Variants in SNX17 observed in about 807,000 individuals in gnomAD.
SNX17 encodes sorting nexin-17.
SNX17 carries 35 observed loss-of-function variants against 64.3 expected under a neutral mutation model. The ratio of observed to expected loss-of-function variants is 0.54; its 90% CI spans 0.42 to 0.72. The LOEUF (loss-of-function observed/expected upper bound fraction) is 0.72. Among genes scored for constraint, SNX17 ranks in the 30% least tolerant of loss-of-function variants. SNX17 has a pLI of 0.00. For missense variants in SNX17, 538 were observed against 610.0 expected (o/e 0.88, Z 1.24); for synonymous variants, 259 against 230.2 (o/e 1.13, Z -1.13).
intron 3 of SNX17, 84 bp from the exon 4 acceptor site, chr2:27,373,163 G>T: frequency 6.2e-7 from 1 of 1,609,158 alleles, no homozygotes; most frequent in South Asian, 1.1e-5. Context: ...CAGGAAATGG[G>T]GTCGGGGGAA....
chr2:27,374,080 C>A lies in SNX17; in HGVS notation c.433-5C>A. ...GATGAGCTGTACTTCTATCCCTATC[C>A]CCAGGCTGTAGCTGCAAAGCTGGAT... On this transcript the variant is annotated splice_region_variant and splice_polypyrimidine_tract_variant and intron_variant, in intron 5 of 14. Coordinates refer to ENST00000233575, the MANE Select transcript of SNX17 (RefSeq NM_014748.4). 1 of 1,613,874 alleles carries A rather than the reference C, an allele frequency of 6.2e-7. No individual in the cohort carries two copies. The highest frequency in any genetic ancestry group is 1.7e-5 in the Admixed American group (1 of 60,016).
Position 27,370,806 on chromosome 2 carries a change from G to A in SNX17, c.63G>A (p.Val21=). 6.5e-7 allele frequency: 1 copy of A among 1,542,850 alleles called. No homozygotes were observed. ...RSGDSGGSAY[V]AYNIHVNGVL... is the part of the protein sequence containing the mutation. ...GGGACAGCGGCGGCTCCGCCTACGT[G>A]GTGAGGAGCGGCCGGAGCCGAGCCG... is the stretch of plus-strand genomic sequence containing the variant. The change falls in exon 1 of 15, where the codon GTG becomes GTA. Residue 21 remains valine, a splice_region_variant and synonymous_variant. Transcript: ENST00000233575.
chr2:27,377,201 T>G lies in SNX17; in HGVS notation c.*482T>G. 1 of 480,946 alleles carries G rather than the reference T, an allele frequency of 2.1e-6. No homozygotes were observed. The highest frequency in any genetic ancestry group is 4.0e-5 in the East Asian group (1 of 24,700). 29.8% of individuals were successfully genotyped at this position (480,946 alleles called of 1,614,324 possible). ...CTACTATGCTAAGGGTAAGGCCAAA[T>G]TGCCTGCCATTGCCAATTCAGCATA... On this transcript the variant is annotated 3_prime_UTR_variant, in exon 15 of 15. Coordinates refer to ENST00000233575, the MANE Select transcript of SNX17 (RefSeq NM_014748.4). This position sits in a 1 kb window ranked among gnomAD's most constrained non-coding sequence, Gnocchi z 4.4.
At chr2:27,371,154 C>T (rs1001291963) in intron 1 of SNX17, 115 bp from the exon 2 acceptor site, 4 of 938,364 alleles carry the variant, frequency 4.3e-6, no homozygotes, top group African/African-American at 3.2e-5. Context: ...GCGAACTATC[C>T]CTCGGGAGAT....
chr2:27,376,594 C>T lies in SNX17; in HGVS notation c.1300-12C>T, dbSNP rs1683270796. 1.9e-6 allele frequency: 3 copies of T among 1,614,152 alleles called. No homozygotes were observed. Among genetic ancestry groups the T allele is most frequent in the Middle Eastern group, 1.6e-4 (1 of 6,062 alleles). ...GCCCAAGATCTCTGACCCCACCCTG[C>T]CTTTGTTACAGAGTAAGCTGAGTGC... On this transcript the variant is annotated splice_polypyrimidine_tract_variant and intron_variant, in intron 14 of 14. Transcript: ENST00000233575.
Position 27,375,061 on chromosome 2 carries a change from A to G in SNX17, c.682A>G (p.Thr228Ala), listed in dbSNP as rs1325130737. 3 of 1,613,858 alleles carry G rather than the reference A, an allele frequency of 1.9e-6. No individual in the cohort carries two copies. The highest frequency in any genetic ancestry group is 1.7e-6 in the Non-Finnish European group (2 of 1,179,824). ...RVGLNLLYAQ[T>A]VSDIERGWIL... ...TGCCTGCCCCTTGTCTCTACTATAG[A>G]CGGTATCAGATATTGAGCGTGGGTG... The change falls in exon 9 of 15, where the codon ACG (threonine) becomes GCG (alanine). Residue 228 changes from threonine to alanine, a missense_variant and splice_region_variant. Thr to Ala is a moderately conservative substitution (Grantham distance 58). Coordinates refer to ENST00000233575, the MANE Select transcript of SNX17 (RefSeq NM_014748.4). This position sits in a 1 kb window ranked among gnomAD's most constrained non-coding sequence, Gnocchi z 4.1.
intron 2 of SNX17, 63 bp from the exon 3 acceptor site, chr2:27,372,560 T>G (rs932340438): frequency 1.2e-6 from 2 of 1,612,656 alleles, no homozygotes; most frequent in Non-Finnish European, 1.7e-6. Context: ...TATGAGCATA[T>G]GTAGATTGCC....
chr2:27,373,987 A>G lies in SNX17; in HGVS notation c.432+16A>G, dbSNP rs780845856. 1 of 1,612,184 alleles carries G rather than the reference A, an allele frequency of 6.2e-7. No homozygotes were observed. Among genetic ancestry groups the G allele is most frequent in the South Asian group, 1.1e-5 (1 of 91,042 alleles). ...TGTCCTGGAGGTGAGGCGCTTGTTC[A>G]GCACTGCCCCTTCTTCCCCTACATC... is the stretch of plus-strand genomic sequence containing the variant. On this transcript the variant is annotated intron_variant, in intron 5 of 14. Transcript: ENST00000233575.
In SNX17 at chr2:27,374,385, C is replaced by CT; in HGVS notation, c.564dup (p.Val189CysfsTer10). On this transcript the variant is annotated frameshift_variant, in exon 7 of 15. Coordinates refer to ENST00000233575, the MANE Select transcript of SNX17 (RefSeq NM_014748.4). LOFTEE classifies it high-confidence loss of function. ...CAAGAGTTTGAGCTGCCTTATGTGT[C>CT]TGTCACCAGCCTTCGGAGTCAAGAG... The CT allele has an allele frequency of 6.2e-7, 1 of 1,613,230 alleles. No individual in the cohort carries two copies. Among genetic ancestry groups the CT allele is most frequent in the Non-Finnish European group, 8.5e-7 (1 of 1,179,908 alleles).
Position 27,370,616 on chromosome 2 carries a change from C to T in SNX17, c.-128C>T. Reference sequence around the variant, plus strand: ...GAACCGACGTCCCACCGCCTTCCCACATCGGATCGCAGGGCTCCCAAAATG... The same window carrying T: ...GAACCGACGTCCCACCGCCTTCCCATATCGGATCGCAGGGCTCCCAAAATG... On this transcript the variant is annotated 5_prime_UTR_variant, in exon 1 of 15. Transcript: ENST00000233575. 2 of 1,452,172 alleles carry T rather than the reference C, an allele frequency of 1.4e-6. No homozygotes were observed. Among genetic ancestry groups the T allele is most frequent in the Non-Finnish European group, 1.8e-6 (2 of 1,102,574 alleles). 90.0% of individuals were successfully genotyped at this position (1,452,172 alleles called of 1,614,324 possible). A position where few individuals can be genotyped will look rare whatever the true frequency, so the allele number is the denominator to read the frequency against.
Position 27,375,420 on chromosome 2 carries a change from G to C in SNX17, c.775-86G>C, listed in dbSNP as rs1394826768. 1 of 1,427,426 alleles carries C rather than the reference G, an allele frequency of 7.0e-7. No homozygotes were observed. Among genetic ancestry groups the C allele is most frequent in the Non-Finnish European group, 9.8e-7 (1 of 1,022,336 alleles). 88.4% of individuals were successfully genotyped at this position (1,427,426 alleles called of 1,614,324 possible). ...CCTAAAGTGCTGGGATTATAGGCAT[G>C]AGCCACCGCGCCCGACCGGGGTTGC... On this transcript the variant is annotated intron_variant, in intron 9 of 14. Transcript: ENST00000233575. This position sits in a 1 kb window ranked among gnomAD's most constrained non-coding sequence, Gnocchi z 4.1.
Position 27,370,734 on chromosome 2 carries a change from C to T in SNX17, c.-10C>T, listed in dbSNP as rs1456570199. ...AGTCCGGAGCCCGGCCGTGCCGTGCCGTAGGGAACATGCACTTTTCCATTC... is the reference window on the plus strand; with the variant it reads ...AGTCCGGAGCCCGGCCGTGCCGTGCTGTAGGGAACATGCACTTTTCCATTC... On this transcript the variant is annotated 5_prime_UTR_variant, in exon 1 of 15. Transcript: ENST00000233575. 11 of 1,547,910 alleles carry T rather than the reference C, an allele frequency of 7.1e-6. No individual in the cohort carries two copies. The highest frequency in any genetic ancestry group is 2.7e-5 in the African/African-American group (2 of 72,894).
Position 27,374,356 on chromosome 2 carries a change from G to T in SNX17, c.534G>T (p.Lys178Asn). Residue 178 changes from lysine to asparagine, a missense_variant, in exon 7 of 15, where the codon AAG (lysine) becomes AAT (asparagine). Physicochemically the swap from Lys to Asn is moderately conservative, Grantham distance 94. Around this residue, in one of 3 missense-constraint regions of SNX17, gnomAD observed 505 missense variants for 550.4 expected, o/e 0.92. Transcript: ENST00000233575. ...KEDGAFSFVR[K>N]LQEFELPYVS... ...TTTTTTAACCTGTAGTTGTACGGAA[G>T]TTGCAAGAGTTTGAGCTGCCTTATG... The T allele has an allele frequency of 6.2e-7, 1 of 1,611,766 alleles. No individual in the cohort carries two copies. Among genetic ancestry groups the T allele is most frequent in the Non-Finnish European group, 8.5e-7 (1 of 1,179,064 alleles).
chr2:27,373,616 G>C (rs1316244196), intron 4 of SNX17, among the ~76,000 whole-genome samples: 1 of 152,108 alleles, frequency 6.6e-6, no homozygotes, highest in African/African-American at 2.4e-5. Context: ...ACCCGCCTTG[G>C]CCTCCCAAAG....
rs749974505 is a variant in SNX17, at chr2:27,375,711, T to A, written c.978+2T>A. 6.2e-7 allele frequency: 1 copy of A among 1,613,664 alleles called. No individual in the cohort carries two copies. Among genetic ancestry groups the A allele is most frequent in the African/African-American group, 1.3e-5 (1 of 74,970 alleles). On this transcript the variant is annotated splice_donor_variant, in intron 10 of 14. Transcript: ENST00000233575. LOFTEE classifies it high-confidence loss of function. This position sits in a 1 kb window ranked among gnomAD's most constrained non-coding sequence, Gnocchi z 4.1. ...CGATGCTGGCGGGTCACCTCCTCTGTGAGTCGGGTTAGGAGGGGGAAGGGC... is the reference window on the plus strand; with the variant it reads ...CGATGCTGGCGGGTCACCTCCTCTGAGAGTCGGGTTAGGAGGGGGAAGGGC...
At chr2:27,371,119 T>C in intron 1 of SNX17, 150 bp from the exon 2 acceptor site, 1 of 753,508 alleles carries the variant, frequency 1.3e-6, no homozygotes, top group South Asian at 1.6e-5. Context: ...TCTTCAGCTT[T>C]GGGACTTGGC....
intron 3 of SNX17, 153 bp downstream of exon 3, chr2:27,372,893 G>A (rs1284054311): frequency 1.9e-5 from 23 of 1,233,156 alleles, no homozygotes; most frequent in South Asian, 1.1e-4. Flanking sequence ...AATAGTGTAC[G>A]AGGATGTGTA....
rs752417137 is a variant in SNX17, at chr2:27,373,250, G to A, written c.260G>A (p.Arg87Gln). ...TAATGTTCTCTTGTCCTCGTAGTTCGGCAAGACCCATTGCTTGGGAGCAGC... is the reference window on the plus strand; with the variant it reads ...TAATGTTCTCTTGTCCTCGTAGTTCAGCAAGACCCATTGCTTGGGAGCAGC... Reference protein sequence around the residue: ...EQLEKYMQAVRQDPLLGSSET... With the variant: ...EQLEKYMQAVQQDPLLGSSET... The change falls in exon 4 of 15, where the codon CGG becomes CAG. Residue 87 changes from arginine to glutamine, a missense_variant. Transcript: ENST00000233575. 11 of 1,614,060 alleles carry A rather than the reference G, an allele frequency of 6.8e-6. No individual in the cohort carries two copies. Among genetic ancestry groups the A allele is most frequent in the African/African-American group, 2.7e-5 (2 of 74,938 alleles).
At chr2:27,372,849 CTCT>C in intron 3 of SNX17, 109 bp downstream of exon 3, 1 of 1,444,322 alleles carries the variant, frequency 6.9e-7, no homozygotes, top group Non-Finnish European at 9.6e-7. Flanking sequence ...TCTAGGAAGG[CTCT>C]TGTTTGATCT....
Sources: allele counts gnomAD v4.1 joint callset (sites outside exome capture counted in the v4.1 genomes callset), GRCh38; gene constraint gnomAD v4.1.1; regional missense constraint gnomAD v4.1.1; non-coding constraint Gnocchi (gnomAD v3.1); transcripts MANE v1.5; gene names NCBI Gene and HGNC (gene_info 2026-07-23, HGNC 2026-07-21).